The following LMTK2 variants were observed in gnomAD, a reference collection of about 807,000 sequenced individuals.
LMTK2 encodes lemur tail kinase 2.
In LMTK2, 37 loss-of-function variants were observed where a neutral mutation model predicts 127.5. That is an observed-to-expected ratio of 0.29 (90% CI 0.22 to 0.38). LMTK2 has a LOEUF of 0.38. LMTK2 is among the 10% of genes least tolerant of loss of function. LMTK2 has a pLI of 1.00. For synonymous variants in LMTK2, 819 were observed against 810.1 expected (o/e 1.01, Z -0.19); for missense variants, 1,694 against 1,920.3 (o/e 0.88, Z 2.20).
At chr7:98,155,865 G>A (rs1337194343) in intron 5 of LMTK2, among the ~76,000 whole-genome samples, 2 of 152,086 alleles carry the variant, frequency 1.3e-5, no homozygotes, top group Non-Finnish European at 2.9e-5. Context: ...TCCTTAAAAA[G>A]GCTGATTGTA....
chr7:98,122,049 T>C (rs1227126079), intron 1 of LMTK2, among the ~76,000 whole-genome samples: 1 of 152,208 alleles, frequency 6.6e-6, no homozygotes, highest in Non-Finnish European at 1.5e-5. Flanking sequence ...TTTCTACCTA[T>C]GAGATGACAT....
In LMTK2 at chr7:98,192,803, T is replaced by A. The variant is rs11765552; in HGVS notation, c.2338T>A (p.Leu780Met). The change falls in exon 11 of 14, where the codon TTG (leucine) becomes ATG (methionine). Residue 780 changes from leucine (L) to methionine (M), a missense_variant. Coordinates refer to ENST00000297293, the MANE Select transcript of LMTK2 (RefSeq NM_014916.4). ...ELQFAENKPG[L>M]SLLQENVSTK... Reference sequence around the variant, plus strand: ...TCAGTTTGCTGAAAATAAGCCAGGCTTGTCTTTGTTGCAGGAAAACGTAAG... The same window carrying A: ...TCAGTTTGCTGAAAATAAGCCAGGCATGTCTTTGTTGCAGGAAAACGTAAG... 769,092 of 1,613,060 alleles carry A rather than the reference T, an allele frequency of 0.48. 199,132 individuals carry two copies. The highest frequency in any genetic ancestry group is 0.61 in the Middle Eastern group (3,711 of 6,058).
intron 5 of LMTK2, among the ~76,000 whole-genome samples, chr7:98,155,523 C>CA (rs1301356792): frequency 7.2e-5 from 11 of 151,820 alleles, no homozygotes; most frequent in Non-Finnish European, 1.2e-4. Flanking sequence ...AAATGAAAGA[C>CA]AAAAAATCCT....
intron 11 of LMTK2, among the ~76,000 whole-genome samples, chr7:98,198,994 ATTG>A (rs945107577): frequency 7.2e-5 from 11 of 152,256 alleles, no homozygotes; most frequent in Non-Finnish European, 1.2e-4. Context: ...TAATAAGTAT[ATTG>A]TTTAATTTCC....
intron 5 of LMTK2, among the ~76,000 whole-genome samples, chr7:98,156,489 A>G (rs1796928247): frequency 6.6e-6 from 1 of 152,140 alleles, no homozygotes; most frequent in Non-Finnish European, 1.5e-5. Flanking sequence ...CTGTAATGAA[A>G]AAATAGTGAC....
chr7:98,173,872 C>T (rs112586139), intron 7 of LMTK2, among the ~76,000 whole-genome samples: 678 of 152,182 alleles, frequency 4.5e-3, no homozygotes, highest in Non-Finnish European at 8.0e-3. Flanking sequence ...CTGGCTAACA[C>T]GGTGAAACCC....
chr7:98,109,743 C>CAAAAA (rs1156337163), intron 1 of LMTK2, among the ~76,000 whole-genome samples: 88 of 52,962 alleles, frequency 1.7e-3, no homozygotes, highest in East Asian at 4.5e-3. Context: ...GACTCCGTCT[C>CAAAAA]AAAAAAAAAA....
At chr7:98,188,695 A>G (rs1007973998) in intron 9 of LMTK2, among the ~76,000 whole-genome samples, 1 of 152,036 alleles carries the variant, frequency 6.6e-6, no homozygotes. Context: ...CTTCCCTCCT[A>G]TGTGACTTAA....
At chr7:98,203,500 A>G in intron 11 of LMTK2, 74 bp from the exon 12 acceptor site, 1 of 1,508,904 alleles carries the variant, frequency 6.6e-7, no homozygotes, top group Non-Finnish European at 8.8e-7. Flanking sequence ...TGCGCCTGCC[A>G]GTGGGGAAGC....
chr7:98,157,878 A>G (rs1213266061), intron 5 of LMTK2, among the ~76,000 whole-genome samples: 4 of 152,290 alleles, frequency 2.6e-5, no homozygotes, highest in African/African-American at 9.6e-5. Flanking sequence ...CTGAGTCTCC[A>G]TTGAGGTGGT....
chr7:98,130,337 A>G (rs545521952), intron 1 of LMTK2, among the ~76,000 whole-genome samples: 2 of 152,294 alleles, frequency 1.3e-5, no homozygotes, highest in Admixed American at 6.5e-5. Flanking sequence ...CCTTTGTGCT[A>G]TACCAACAAA....
At chr7:98,120,306 C>T (rs1451299121) in intron 1 of LMTK2, among the ~76,000 whole-genome samples, 1 of 152,060 alleles carries the variant, frequency 6.6e-6, no homozygotes, top group Non-Finnish European at 1.5e-5. Context: ...CTCAGTCCAT[C>T]CCCAAACTTT....
intron 9 of LMTK2, 32 bp from the exon 10 acceptor site, chr7:98,190,694 GGA>G: frequency 1.2e-6 from 2 of 1,611,868 alleles, no homozygotes; most frequent in Non-Finnish European, 1.7e-6. Context: ...ACATCTAAAG[GGA>G]GAGAGAAACA....
At chr7:98,170,247 G>A (rs1048440757) in intron 6 of LMTK2, among the ~76,000 whole-genome samples, 2 of 152,040 alleles carry the variant, frequency 1.3e-5, no homozygotes, top group African/African-American at 4.8e-5. Context: ...CTAACATAAC[G>A]CTTGGCTCAG....
intron 1 of LMTK2, among the ~76,000 whole-genome samples, chr7:98,119,251 A>T (rs1796329380): frequency 6.6e-6 from 1 of 152,208 alleles, no homozygotes; most frequent in Admixed American, 6.5e-5. Context: ...TTCATCTTCT[A>T]CTACGTACAA....
At chr7:98,150,699 A>G (rs1370645582) in intron 3 of LMTK2, among the ~76,000 whole-genome samples, 2 of 152,264 alleles carry the variant, frequency 1.3e-5, no homozygotes, top group East Asian at 3.8e-4. Flanking sequence ...AACTCTAGAT[A>G]CACTCCAGAT....
intron 1 of LMTK2, among the ~76,000 whole-genome samples, chr7:98,124,205 C>T (rs1368592913): frequency 1.3e-5 from 2 of 152,148 alleles, no homozygotes; most frequent in Non-Finnish European, 2.9e-5. Flanking sequence ...CCTCCAGCTT[C>T]ACCTCACATC....
intron 6 of LMTK2, among the ~76,000 whole-genome samples, chr7:98,164,478 C>T (rs566422254): frequency 1.3e-5 from 2 of 152,336 alleles, no homozygotes; most frequent in South Asian, 2.1e-4. Context: ...GGCAGTAATA[C>T]TGTCTCCCCT....
intron 7 of LMTK2, among the ~76,000 whole-genome samples, chr7:98,174,595 G>A (rs1212148678): frequency 6.6e-6 from 1 of 152,228 alleles, no homozygotes; most frequent in African/African-American, 2.4e-5. Context: ...AGCTGAGCCA[G>A]GGGGTTCTCA....
Sources: gnomAD v4.1 joint callset for allele counts (sites outside exome capture counted in the v4.1 genomes callset) on GRCh38, gnomAD v4.1.1 for gene constraint, MANE v1.5 for transcripts, NCBI Gene and HGNC (gene_info 2026-07-23, HGNC 2026-07-21) for gene names.